The following GALNT13 variants were observed in gnomAD, a reference collection of about 807,000 sequenced individuals.
GALNT13 encodes the protein polypeptide N-acetylgalactosaminyltransferase 13.
GALNT13 carries 28 observed loss-of-function variants against 64.2 expected under a neutral mutation model. The observed-to-expected ratio is 0.44, with a 90% CI of 0.32 to 0.60. The LOEUF is 0.60. Among genes scored for constraint, GALNT13 ranks in the 20% least tolerant of loss-of-function variants. GALNT13 has a pLI of 0.05. For missense variants in GALNT13, 577 were observed against 669.8 expected (o/e 0.86, Z 1.53); for synonymous variants, 214 against 224.6 (o/e 0.95, Z 0.42).
At chr2:153,988,901 A>G (rs1043966254) in intron 3 of GALNT13, among the ~76,000 whole-genome samples, 3 of 151,968 alleles carry the variant, frequency 2.0e-5, no homozygotes, top group African/African-American at 7.2e-5. Context: ...GATGGTAGTA[A>G]AAATGGAGAA....
the GALNT13 span, among the ~76,000 whole-genome samples, chr2:153,378,525 G>T: frequency 6.6e-6 from 1 of 152,116 alleles, no homozygotes; most frequent in Non-Finnish European, 1.5e-5. Flanking sequence ...TCAAGGGGCT[G>T]ACCTCCGTAG....
At chr2:153,634,289 A>G in the GALNT13 span, among the ~76,000 whole-genome samples, 5 of 152,200 alleles carry the variant, frequency 3.3e-5, no homozygotes, top group Non-Finnish European at 2.9e-5. Context: ...ACCTACACTT[A>G]TATTCAGAAG....
chr2:154,379,828 T>A (rs1255485330), intron 9 of GALNT13, among the ~76,000 whole-genome samples: 2 of 151,974 alleles, frequency 1.3e-5, no homozygotes, highest in Non-Finnish European at 2.9e-5. Flanking sequence ...CAAAGTTAAG[T>A]ATGCATTTAA....
chr2:153,647,457 C>T, the GALNT13 span, among the ~76,000 whole-genome samples: 1 of 152,146 alleles, frequency 6.6e-6, no homozygotes, highest in African/African-American at 2.4e-5. Context: ...TGTGCAGAAG[C>T]TCTTTAGTTT....
rs558737260 is a variant in GALNT13, at chr2:154,142,368, G to A, written c.311+1863G>A. Among the ~76,000 whole-genome samples the A allele has an allele frequency of 9.9e-5, 15 of 151,852 alleles. No individual in the cohort carries two copies. In the South Asian group the frequency reaches 3.1e-3, roughly 32 times the overall value. On this transcript the variant is annotated intron_variant, in intron 4 of 12. Coordinates refer to ENST00000392825, the MANE Select transcript of GALNT13 (RefSeq NM_052917.4). ...AGTTTGAGAGCAGCCTGACCAATAT[G>A]GTAAAACCCCATCTCCACTAAAAAT... is the stretch of plus-strand genomic sequence containing the variant.
chr2:153,986,013 A>G (rs1694772039), intron 3 of GALNT13, among the ~76,000 whole-genome samples: 1 of 152,092 alleles, frequency 6.6e-6, no homozygotes, highest in Non-Finnish European at 1.5e-5. Flanking sequence ...TTATAAGTGT[A>G]TCTACAAGAA....
the GALNT13 span, among the ~76,000 whole-genome samples, chr2:153,759,609 A>T: frequency 1.3e-5 from 2 of 152,140 alleles, no homozygotes; most frequent in African/African-American, 4.8e-5. Context: ...TATCATTCTT[A>T]TAAATTTGGA....
chr2:154,133,600 AC>A (rs145126136), intron 3 of GALNT13, among the ~76,000 whole-genome samples: 7,021 of 133,554 alleles, frequency 0.053, 444 homozygotes, highest in African/African-American at 0.13. Context: ...GATGGGGAAA[AC>A]CCACGTTAAA....
chr2:154,156,611 A>T (rs1184596299), intron 4 of GALNT13, among the ~76,000 whole-genome samples: 2 of 152,202 alleles, frequency 1.3e-5, no homozygotes, highest in African/African-American at 4.8e-5. Context: ...AAACATACTT[A>T]GAAAGGTTAA....
the GALNT13 span, among the ~76,000 whole-genome samples, chr2:153,622,169 T>C: frequency 2.0e-5 from 3 of 152,120 alleles, no homozygotes; most frequent in Admixed American, 1.3e-4. Flanking sequence ...GGTTCTGGCA[T>C]GTTAGCTATA....
the GALNT13 span, among the ~76,000 whole-genome samples, chr2:153,235,447 G>A: frequency 6.6e-6 from 1 of 152,080 alleles, no homozygotes; most frequent in East Asian, 1.9e-4. Context: ...ATGAAGGGGT[G>A]GGAAGAAGTG....
the GALNT13 span, among the ~76,000 whole-genome samples, chr2:153,379,959 A>G: frequency 6.6e-6 from 1 of 152,192 alleles, no homozygotes; most frequent in Admixed American, 6.5e-5. Context: ...AAAGGAAAAA[A>G]GAACAATTGT....
At chr2:153,345,653 T>TTC in the GALNT13 span, among the ~76,000 whole-genome samples, 3 of 134,652 alleles carry the variant, frequency 2.2e-5, no homozygotes, top group African/African-American at 8.5e-5. Context: ...CTTTCTTTCT[T>TTC]TCTTTCTTTC....
chr2:153,146,402 A>G, the GALNT13 span, among the ~76,000 whole-genome samples: 6 of 151,854 alleles, frequency 4.0e-5, no homozygotes, highest in Admixed American at 6.6e-5. Context: ...CAGATTTCCC[A>G]TTTATTCTGG....
chr2:153,657,265 A>C, the GALNT13 span, among the ~76,000 whole-genome samples: 1 of 152,076 alleles, frequency 6.6e-6, no homozygotes, highest in African/African-American at 2.4e-5. Context: ...GAATGGGGGA[A>C]GTTATTAAAT....
chr2:153,183,666 C>T, the GALNT13 span, among the ~76,000 whole-genome samples: 1 of 152,076 alleles, frequency 6.6e-6, no homozygotes, highest in South Asian at 2.1e-4. Context: ...GAAAGTGGTC[C>T]AGTTTCAGTT....
chr2:153,865,496 C>T, the GALNT13 span, among the ~76,000 whole-genome samples: 2,020 of 133,076 alleles, frequency 0.015, 54 homozygotes, highest in African/African-American at 0.053. Context: ...AAAAACTGGG[C>T]GAAGGACATG....
chr2:153,260,412 T>A, the GALNT13 span, among the ~76,000 whole-genome samples: 2 of 152,218 alleles, frequency 1.3e-5, no homozygotes, highest in African/African-American at 2.4e-5. Context: ...CTCAGTTTTG[T>A]ATGATTGGGA....
the GALNT13 span, among the ~76,000 whole-genome samples, chr2:153,548,443 C>T: frequency 7.9e-5 from 12 of 152,224 alleles, no homozygotes; most frequent in East Asian, 7.7e-4. Context: ...GGAAATGCTT[C>T]GTTTATTGTC....
Sources: allele counts gnomAD v4.1 joint callset (sites outside exome capture counted in the v4.1 genomes callset), GRCh38; gene constraint gnomAD v4.1.1; transcripts MANE v1.5; gene names NCBI Gene and HGNC (gene_info 2026-07-23, HGNC 2026-07-21).